Variants in SOX5 observed in about 807,000 individuals in gnomAD.
SOX5 encodes SRY-box transcription factor 5.
A neutral mutation model predicts 92.0 loss-of-function variants in SOX5; 9 were observed. The ratio of observed to expected loss-of-function variants is 0.10; its 90% CI spans 0.06 to 0.17. The LOEUF (loss-of-function observed/expected upper bound fraction) is 0.17, where lower values mean the gene tolerates loss of function less well. SOX5 is among the 10% of genes least tolerant of loss of function. The pLI is 1.00. For missense variants in SOX5, 642 were observed against 944.5 expected (o/e 0.68, Z 4.20); for synonymous variants, 344 against 336.3 (o/e 1.02, Z -0.25).
intron 4 of SOX5, among the ~76,000 whole-genome samples, chr12:23,986,355 CA>C (rs200377982): frequency 2.7e-5 from 4 of 149,596 alleles, no homozygotes; most frequent in African/African-American, 9.8e-5. Flanking sequence ...AACAAACAAA[CA>C]AAAAAAAACT....
In SOX5 at chr12:23,740,884, T is replaced by G. The variant is rs909219849; in HGVS notation, c.724A>C (p.Lys242Gln). The G allele has an allele frequency of 6.2e-7, 1 of 1,611,398 alleles. No homozygotes were observed. The part of the protein sequence containing the change: ...EKQRQQMELA[K>Q]QQQEQIARQQ... ...TTACTCACTTGTTCTTGTTGCTGCT[T>G]GGCCAGCTCCATTTGCTGACGCTGT... Residue 242 changes from lysine to glutamine, a missense_variant, in exon 5 of 15, where the codon AAG becomes CAG. By Grantham distance (53) the Lys-to-Gln change is moderately conservative (BLOSUM62 1). Around this residue, in one of 8 missense-constraint regions of SOX5, gnomAD observed 324 missense variants for 461.6 expected, o/e 0.70. Transcript: ENST00000451604.
intron 6 of SOX5, among the ~76,000 whole-genome samples, chr12:23,703,294 G>C (rs1235111809): frequency 6.6e-6 from 1 of 152,002 alleles, no homozygotes; most frequent in Non-Finnish European, 1.5e-5. Context: ...ATCTGACTAT[G>C]TGGAAGATAA....
At chr12:23,976,398 C>CA (rs139277769) in intron 4 of SOX5, among the ~76,000 whole-genome samples, 2,794 of 106,670 alleles carry the variant, frequency 0.026, 110 homozygotes, top group Middle Eastern at 0.062. Context: ...ATTAAAAAAA[C>CA]AAAAAAACAA....
intron 7 of SOX5, among the ~76,000 whole-genome samples, chr12:23,655,977 A>G (rs548335779): frequency 6.6e-6 from 1 of 151,786 alleles, no homozygotes; most frequent in African/African-American, 2.4e-5. Flanking sequence ...TTTTATATTT[A>G]TACAATAATT....
chr12:24,127,406 GATAATA>G (rs35206737), intron 4 of SOX5, among the ~76,000 whole-genome samples: 111 of 147,176 alleles, frequency 7.5e-4, no homozygotes, highest in Non-Finnish European at 1.2e-3. Flanking sequence ...TAATAATAAT[GATAATA>G]ATAATAATAA....
intron 10 of SOX5, among the ~76,000 whole-genome samples, chr12:23,570,926 AAAAAATATATATATATATATATATAT>A (rs1191304924): frequency 0.019 from 774 of 41,526 alleles, 81 homozygotes; most frequent in Admixed American, 0.031. Flanking sequence ...AAAAAAAAAA[AAAAAATATATATATATATATATATAT>A]ATATATATAT....
intron 4 of SOX5, among the ~76,000 whole-genome samples, chr12:23,753,266 G>A (rs765462753): frequency 2.6e-5 from 4 of 151,512 alleles, no homozygotes; most frequent in Non-Finnish European, 5.9e-5. Context: ...TCACTGATAG[G>A]AATTTAAAAC....
At chr12:23,606,667 AT>A (rs1215666636) in intron 8 of SOX5, among the ~76,000 whole-genome samples, 1 of 152,096 alleles carries the variant, frequency 6.6e-6, no homozygotes, top group East Asian at 1.9e-4. Flanking sequence ...AAGAACTATT[AT>A]TAAAAATACA....
rs10842295 is a variant in SOX5, at chr12:24,236,117, G to A, written c.-76-22700C>T. ...TGAGGCAGGAGAATGGCGTGAACCC[G>A]GGAAGTGGGTTCACTGCTTGCAGTG... On this transcript the variant is annotated intron_variant, in intron 3 of 4. Transcript: ENST00000446891. Among the ~76,000 whole-genome samples the A allele has an allele frequency of 9.3e-4, 141 of 152,112 alleles. 3 individuals are homozygous for A. In the South Asian group the frequency reaches 0.016, roughly 17 times the overall value.
chr12:24,022,757 C>T (rs1592420893), intron 4 of SOX5, among the ~76,000 whole-genome samples: 2 of 152,078 alleles, frequency 1.3e-5, no homozygotes, highest in Non-Finnish European at 2.9e-5. Context: ...GAGAGCCATT[C>T]CTTAATTTAA....
At chr12:24,028,364 A>C (rs1955109630) in intron 4 of SOX5, among the ~76,000 whole-genome samples, 1 of 151,992 alleles carries the variant, frequency 6.6e-6, no homozygotes, top group African/African-American at 2.4e-5. Flanking sequence ...GTTTCTTAAT[A>C]ATTTGGATTA....
intron 4 of SOX5, among the ~76,000 whole-genome samples, chr12:24,054,045 C>T (rs191586007): frequency 6.8e-4 from 103 of 152,186 alleles, no homozygotes; most frequent in African/African-American, 2.3e-3. Flanking sequence ...TGTCATTGTG[C>T]GTCAAGAAAA....
At chr12:24,505,829 A>ATGTG (rs35993008) in intron 1 of SOX5, among the ~76,000 whole-genome samples, 20,089 of 124,516 alleles carry the variant, frequency 0.16, 1,357 homozygotes, top group East Asian at 0.23. Flanking sequence ...AAGGCTTGGT[A>ATGTG]TGTGTGTGTG....
chr12:24,350,969 A>G (rs1954007457), intron 2 of SOX5, among the ~76,000 whole-genome samples: 1 of 152,122 alleles, frequency 6.6e-6, no homozygotes, highest in African/African-American at 2.4e-5. Flanking sequence ...AGGCATGAGA[A>G]TTGCCTCGAG....
chr12:24,193,873 T>A (rs891293508), intron 4 of SOX5, among the ~76,000 whole-genome samples: 1 of 152,202 alleles, frequency 6.6e-6, no homozygotes, highest in African/African-American at 2.4e-5. Flanking sequence ...TGCAAAACAG[T>A]CACTAACAGT....
At chr12:23,783,727 T>C (rs1273174137) in intron 3 of SOX5, among the ~76,000 whole-genome samples, 1 of 152,234 alleles carries the variant, frequency 6.6e-6, no homozygotes, top group African/African-American at 2.4e-5. Context: ...ACAGTAACTT[T>C]ACCCAAATTT....
chr12:23,805,914 A>G (rs1396993784), intron 3 of SOX5, among the ~76,000 whole-genome samples: 2 of 152,198 alleles, frequency 1.3e-5, no homozygotes, highest in Non-Finnish European at 2.9e-5. Flanking sequence ...TATGCTGTGA[A>G]ATGTATTTGT....
At chr12:24,513,929 G>T (rs1949549140) in intron 1 of SOX5, among the ~76,000 whole-genome samples, 2 of 152,290 alleles carry the variant, frequency 1.3e-5, no homozygotes, top group South Asian at 4.1e-4. Flanking sequence ...CTGCTAGACA[G>T]CTCTAATTTT....
chr12:23,902,852 C>T (rs892294985), intron 1 of SOX5, among the ~76,000 whole-genome samples: 1 of 152,078 alleles, frequency 6.6e-6, no homozygotes, highest in Non-Finnish European at 1.5e-5. Context: ...AAATGAGACA[C>T]AATTAATAAT....
Sources: gnomAD v4.1 joint callset for allele counts (sites outside exome capture counted in the v4.1 genomes callset) on GRCh38, gnomAD v4.1.1 for gene constraint, gnomAD v4.1.1 regional missense constraint, MANE v1.5 for transcripts, NCBI Gene and HGNC (gene_info 2026-07-23, HGNC 2026-07-21) for gene names.